The following ARFGEF2 variants were observed in gnomAD, a reference collection of about 807,000 sequenced individuals.
ARFGEF2 encodes the protein ARF guanine nucleotide exchange factor 2.
In ARFGEF2, 74 loss-of-function variants were observed where a neutral mutation model predicts 219.9. That is an observed-to-expected ratio of 0.34 (90% CI 0.28 to 0.41). ARFGEF2 has a LOEUF of 0.41. Among genes scored for constraint, ARFGEF2 ranks in the 10% least tolerant of loss-of-function variants. ARFGEF2 has a pLI of 1.00. For missense variants in ARFGEF2, 1,743 were observed against 2,218.3 expected (o/e 0.79, Z 4.30); for synonymous variants, 733 against 799.2 (o/e 0.92, Z 1.40).
At position 48,951,331 on chromosome 20, in the gene ARFGEF2, C is replaced by T. The variant is rs767399617; in HGVS notation, c.285C>T (p.Ile95=). The part of the protein sequence containing the change: ...STSLDCLQKL[I]AYGHITGNAP... ...GTTCTTTCTCTCTTTAGAAACTCATCGCATACGGGCACATCACTGGCAACG... is the reference window on the plus strand; with the variant it reads ...GTTCTTTCTCTCTTTAGAAACTCATTGCATACGGGCACATCACTGGCAACG... The change falls in exon 4 of 39, where the codon ATC becomes ATT. Residue 95 remains isoleucine (I), a synonymous_variant. Transcript: ENST00000371917. The T allele has an allele frequency of 1.3e-4, 209 of 1,613,996 alleles. No homozygotes were observed. Among genetic ancestry groups the T allele is most frequent in the Non-Finnish European group, 1.7e-4 (197 of 1,180,010 alleles).
intron 6 of ARFGEF2, among the ~76,000 whole-genome samples, chr20:48,963,170 T>C (rs1000267865): frequency 1.3e-5 from 1 of 74,654 alleles, no homozygotes; most frequent in Non-Finnish European, 2.7e-5. Flanking sequence ...AGCAAAACTC[T>C]GTCTCAAAAA....
At chr20:48,985,746 C>A in intron 16 of ARFGEF2, 133 bp downstream of exon 16, 1 of 965,186 alleles carries the variant, frequency 1.0e-6, no homozygotes, top group Non-Finnish European at 1.6e-6. Flanking sequence ...GTGTGCCAGG[C>A]ACTGTGCTAA....
At chr20:48,954,699 C>T (rs2091095514) in intron 6 of ARFGEF2, among the ~76,000 whole-genome samples, 2 of 152,078 alleles carry the variant, frequency 1.3e-5, no homozygotes, top group African/African-American at 4.8e-5. Context: ...AGTGTTGTTG[C>T]TGGAATGTTG....
rs529589416 is a variant in ARFGEF2 at position 49,032,113 on chromosome 20, A to T, written c.5128A>T (p.Thr1710Ser). The T allele has an allele frequency of 6.2e-7, 1 of 1,614,064 alleles. No individual in the cohort carries two copies. The highest frequency in any genetic ancestry group is 1.3e-5 in the African/African-American group (1 of 75,012). ...TTCTGAGAGCCATCGGGAGGCCTGGACAAGTCTCTTGTTGTTACTTCTAAC... is the reference window on the plus strand; with the variant it reads ...TTCTGAGAGCCATCGGGAGGCCTGGTCAAGTCTCTTGTTGTTACTTCTAAC... The part of the protein sequence containing the change: ...VNSESHREAW[T>S]SLLLLLLTKT... Residue 1710 changes from threonine (T) to serine (S), a missense_variant, in exon 38 of 39, where the codon ACA becomes TCA. Transcript: ENST00000371917.
intron 3 of ARFGEF2, among the ~76,000 whole-genome samples, chr20:48,945,908 A>G (rs1056452350): frequency 1.3e-5 from 2 of 152,166 alleles, no homozygotes; most frequent in Non-Finnish European, 2.9e-5. Flanking sequence ...AAGTTCTCTG[A>G]GATGTAATAG....
chr20:49,012,543 G>A (rs1051122546), intron 28 of ARFGEF2, among the ~76,000 whole-genome samples: 2 of 152,124 alleles, frequency 1.3e-5, no homozygotes, highest in Non-Finnish European at 1.5e-5. Flanking sequence ...TTTCTAAAGA[G>A]GCCTATTTGG....
intron 1 of ARFGEF2, among the ~76,000 whole-genome samples, chr20:48,939,802 CTT>C (rs1292285886): frequency 1.3e-5 from 2 of 152,200 alleles, no homozygotes; most frequent in African/African-American, 4.8e-5. Flanking sequence ...GTTTTCACAT[CTT>C]CAAGTTGAGT....
intron 34 of ARFGEF2, among the ~76,000 whole-genome samples, 192 bp from the exon 35 acceptor site, chr20:49,022,859 A>C (rs2091574325): frequency 6.6e-6 from 1 of 151,988 alleles, no homozygotes; most frequent in Admixed American, 6.6e-5. Context: ...CTCATGCTGT[A>C]ATCCCAGCAC....
Position 48,989,310 on chromosome 20 carries a change from G to A in ARFGEF2, c.2559G>A (p.Arg853=). ...ATGTAGCTAGTGAAAAGCAGCGGCG[G>A]CTGCTGTACAACTTAGAGATGGAGC... ...KQNVASEKQR[R]LLYNLEMEQM... is the part of the protein sequence containing the mutation. Residue 853 remains arginine (R), a synonymous_variant, in exon 19 of 39, where the codon CGG becomes CGA. Coordinates refer to ENST00000371917, the MANE Select transcript of ARFGEF2 (RefSeq NM_006420.3). 6.2e-7 allele frequency: 1 copy of A among 1,614,162 alleles called. No homozygotes were observed. Among genetic ancestry groups the A allele is most frequent in the Non-Finnish European group, 8.5e-7 (1 of 1,179,992 alleles).
chr20:48,930,484 AAAACC>A lies in ARFGEF2; in HGVS notation c.121+8475_121+8479del, dbSNP rs1167774962. Among the ~76,000 whole-genome samples, 4 of 152,354 alleles carry A rather than the reference AAAACC, an allele frequency of 2.6e-5. No homozygotes were observed. In the East Asian group the frequency reaches 7.7e-4, roughly 29 times the overall value. ...AACCTGGTTAGAAGATGAAGCCAAC[AAAACC>A]TTGTGATGGAGCGAGTAAGAGCATG... On this transcript the variant is annotated intron_variant, in intron 1 of 38. Transcript: ENST00000371917.
intron 10 of ARFGEF2, 64 bp from the exon 11 acceptor site, chr20:48,972,262 T>C (rs1438201877): frequency 8.4e-7 from 1 of 1,196,792 alleles, no homozygotes; most frequent in Non-Finnish European, 1.2e-6. Flanking sequence ...CTGAAGACTT[T>C]GGAGGTTTTG....
rs1419028252 is a variant in ARFGEF2 at position 48,995,881 on chromosome 20, A to G, written c.3220A>G (p.Arg1074Gly). 6.2e-7 allele frequency: 1 copy of G among 1,614,038 alleles called. No individual in the cohort carries two copies. Among genetic ancestry groups the G allele is most frequent in the Non-Finnish European group, 8.5e-7 (1 of 1,179,872 alleles). The change falls in exon 23 of 39, where the codon AGG becomes GGG. Residue 1074 changes from arginine to glycine, a missense_variant and splice_region_variant. Arg to Gly is a moderately radical substitution (Grantham distance 125). This residue lies in a region of ARFGEF2 where 666 missense variants were observed against 955.4 expected (regional missense o/e 0.70). Transcript: ENST00000371917. Reference sequence around the variant, plus strand: ...GCAGAGTGTGGTTGTAGCTGTGGACAGGTAATGATTTTATTCTTCAGTGAC... The same window carrying G: ...GCAGAGTGTGGTTGTAGCTGTGGACGGGTAATGATTTTATTCTTCAGTGAC... ...SSQSVVVAVDRIFTGSTRLDG... is the reference protein window; with the variant it reads ...SSQSVVVAVDGIFTGSTRLDG...
At chr20:48,951,539 A>G in intron 4 of ARFGEF2, 70 bp downstream of exon 4, 4 of 1,601,152 alleles carry the variant, frequency 2.5e-6, no homozygotes, top group South Asian at 1.1e-5. Context: ...CTGGATTTCT[A>G]ATTTACTATG....
In ARFGEF2 at chr20:49,033,429, C is replaced by T; in HGVS notation, c.*230C>T. The T allele has an allele frequency of 1.9e-6, 1 of 534,346 alleles. No homozygotes were observed. Among genetic ancestry groups the T allele is most frequent in the Non-Finnish European group, 3.4e-6 (1 of 297,666 alleles). The allele number at this position is 534,346 out of a possible 1,614,324, so 33.1% of individuals were successfully genotyped here. On this transcript the variant is annotated 3_prime_UTR_variant, in exon 39 of 39. Coordinates refer to ENST00000371917, the MANE Select transcript of ARFGEF2 (RefSeq NM_006420.3). ...AGCACAGTAGGTGGGGAGTCTGCTTCATTTCTATCATTCCATTTTTCTGAT... is the reference window on the plus strand; with the variant it reads ...AGCACAGTAGGTGGGGAGTCTGCTTTATTTCTATCATTCCATTTTTCTGAT...
intron 18 of ARFGEF2, 84 bp from the exon 19 acceptor site, chr20:48,989,201 A>G (rs1381689910): frequency 8.3e-6 from 12 of 1,446,630 alleles, no homozygotes; most frequent in Non-Finnish European, 1.2e-5. Context: ...GGAGTTAATC[A>G]TTGTGCATCT....
chr20:49,023,531 T>TG (rs2091580717), intron 35 of ARFGEF2, among the ~76,000 whole-genome samples: 2 of 63,232 alleles, frequency 3.2e-5, no homozygotes, highest in Non-Finnish European at 6.4e-5. Flanking sequence ...TGGTTTTTTT[T>TG]TTTTTGTTTT....
rs745736864 is a variant in ARFGEF2 at position 49,028,608 on chromosome 20, G to A, written c.5003G>A (p.Arg1668Gln). Residue 1668 changes from arginine to glutamine, a missense_variant, in exon 37 of 39, where the codon CGA becomes CAA. By Grantham distance (43) the Arg-to-Gln change is conservative (BLOSUM62 1). Transcript: ENST00000371917. Reference protein sequence around the residue: ...SLACCLRILFRMYVDENRRDS... With the variant: ...SLACCLRILFQMYVDENRRDS... ...GCCTGTTGTTTGAGGATCCTGTTTC[G>A]AATGTATGTTGATGAGAACCGCAGG... is the stretch of plus-strand genomic sequence containing the variant. 18 of 1,614,008 alleles carry A rather than the reference G, an allele frequency of 1.1e-5. No homozygotes were observed. In the East Asian group the frequency reaches 2.2e-4, roughly 20 times the overall value.
At chr20:49,008,561 C>CA (rs71184246) in intron 26 of ARFGEF2, among the ~76,000 whole-genome samples, 54,440 of 140,128 alleles carry the variant, frequency 0.39, 10,564 homozygotes, top group African/African-American at 0.53. Flanking sequence ...AACTCCATCT[C>CA]AAAAAAAAAA....
Position 48,994,481 on chromosome 20 carries a change from G to T in ARFGEF2, c.3004G>T (p.Ala1002Ser), listed in dbSNP as rs1416907001. 1 of 1,613,976 alleles carries T rather than the reference G, an allele frequency of 6.2e-7. No individual in the cohort carries two copies. Among genetic ancestry groups the T allele is most frequent in the Admixed American group, 1.7e-5 (1 of 60,010 alleles). Reference sequence around the variant, plus strand: ...GAAATGCATCAGCCAGCTGGAGCTCGCTCAGCTGATAGGAACCGGTGTGAA... The same window carrying T: ...GAAATGCATCAGCCAGCTGGAGCTCTCTCAGCTGATAGGAACCGGTGTGAA... ...ILKCISQLEL[A>S]QLIGTGVKTR... The change falls in exon 22 of 39, where the codon GCT becomes TCT. Residue 1002 changes from alanine to serine, a missense_variant. By Grantham distance (99) the Ala-to-Ser change is moderately conservative (BLOSUM62 1). This residue lies in a region of ARFGEF2 where 666 missense variants were observed against 955.4 expected (regional missense o/e 0.70). Coordinates refer to ENST00000371917, the MANE Select transcript of ARFGEF2 (RefSeq NM_006420.3).
Sources: gnomAD v4.1 joint callset for allele counts (sites outside exome capture counted in the v4.1 genomes callset) on GRCh38, gnomAD v4.1.1 for gene constraint, gnomAD v4.1.1 regional missense constraint, MANE v1.5 for transcripts, NCBI Gene and HGNC (gene_info 2026-07-23, HGNC 2026-07-21) for gene names.